The following DNAH9 variants were observed in gnomAD, a reference collection of about 807,000 sequenced individuals.
DNAH9 encodes the protein DNAH9 variant protein.
DNAH9 carries 345 observed loss-of-function variants against 471.6 expected under a neutral mutation model. The observed-to-expected ratio is 0.73, with a 90% CI of 0.67 to 0.80. The LOEUF is 0.80. Among genes scored for constraint, DNAH9 ranks in the 30% least tolerant of loss-of-function variants. The probability of loss-of-function intolerance (pLI) is 0.00; values close to 1 mark genes in which losing one functional copy is unlikely to be tolerated. For synonymous variants in DNAH9, 2,093 were observed against 2,123.6 expected (o/e 0.99, Z 0.40); for missense variants, 5,407 against 5,609.2 (o/e 0.96, Z 1.15).
intron 7 of DNAH9, among the ~76,000 whole-genome samples, chr17:11,632,166 T>G (rs1202905077): frequency 6.6e-6 from 1 of 152,216 alleles, no homozygotes; most frequent in Non-Finnish European, 1.5e-5. Flanking sequence ...ATTAGTTTGC[T>G]GACAATGGAA....
chr17:11,757,248 G>A (rs1233231704), intron 34 of DNAH9, among the ~76,000 whole-genome samples: 1 of 152,066 alleles, frequency 6.6e-6, no homozygotes, highest in African/African-American at 2.4e-5. Flanking sequence ...TTGTTGGGCC[G>A]GGCTCTGTGG....
At chr17:11,617,353 C>T in intron 4 of DNAH9, 58 bp from the exon 5 acceptor site, 6 of 1,261,200 alleles carry the variant, frequency 4.8e-6, no homozygotes, top group Non-Finnish European at 6.8e-6. Flanking sequence ...GACTAGGGCT[C>T]CACCAGGTGG....
intron 14 of DNAH9, among the ~76,000 whole-genome samples, chr17:11,661,348 A>G (rs552236426): frequency 1.9e-4 from 29 of 152,256 alleles, no homozygotes; most frequent in Admixed American, 5.9e-4. Flanking sequence ...TAGTCGGCAT[A>G]TAATACAAAT....
chr17:11,882,783 A>C lies in DNAH9; in HGVS notation c.10807-803A>C, dbSNP rs1972770559. 5 of 270,240 alleles carry C rather than the reference A, an allele frequency of 1.9e-5. No homozygotes were observed. In the Admixed American group the frequency reaches 3.2e-4, roughly 18 times the overall value. The allele number at this position is 270,240 out of a possible 1,614,324, so 16.7% of individuals were successfully genotyped here. On this transcript the variant is annotated intron_variant, in intron 55 of 68. Coordinates refer to ENST00000262442, the MANE Select transcript of DNAH9 (RefSeq NM_001372.4). ...AATTTAAACAGTGGTGGTCAGAAAA[A>C]GATTCGGTGAGGAGTTGGCATCTGA...
Position 11,962,908 on chromosome 17 carries a change from C to T in DNAH9, c.13233+652C>T, listed in dbSNP as rs1189304548. On this transcript the variant is annotated intron_variant, in intron 68 of 68. Transcript: ENST00000262442. The surrounding 1 kb of genome is among the most constrained non-coding windows in gnomAD (Gnocchi z 4.1). ...TTAAAGTGGCATTTTGAAAGGATTC[C>T]TTATCAAAGGCTAATAAAAACGTGA... is the stretch of plus-strand genomic sequence containing the variant. Among the ~76,000 whole-genome samples, 1 of 152,106 alleles carries T rather than the reference C, an allele frequency of 6.6e-6. No homozygotes were observed. The highest frequency in any genetic ancestry group is 2.4e-5 in the African/African-American group (1 of 41,394).
chr17:11,747,553 C>T lies in DNAH9; in HGVS notation c.6400-3C>T. ...CCTCTGGCTGAATTTCCTGCCTCCT[C>T]AGGTGGTCCAGCTGGAGGAGCTCCT... On this transcript the variant is annotated splice_polypyrimidine_tract_variant and splice_region_variant and intron_variant, in intron 31 of 68. Transcript: ENST00000262442. 2 of 1,612,832 alleles carry T rather than the reference C, an allele frequency of 1.2e-6. No homozygotes were observed. The highest frequency in any genetic ancestry group is 1.7e-6 in the Non-Finnish European group (2 of 1,179,758).
Position 11,664,874 on chromosome 17 carries a change from C to G in DNAH9, c.2637C>G (p.Ile879Met). Residue 879 changes from isoleucine to methionine, a missense_variant, in exon 15 of 69, where the codon ATC (isoleucine) becomes ATG (methionine). By Grantham distance (10) the Ile-to-Met change is conservative. Transcript: ENST00000262442. The stretch of plus-strand genomic sequence containing the variant: ...TTTCAGCAGACCCAACCTCCAATAT[C>G]TGGAAGACTTATGTTAACTCTATTG... ...GLFSADPTSNIWKTYVNSIDN... is the reference protein window; with the variant it reads ...GLFSADPTSNMWKTYVNSIDN... 1 of 1,613,016 alleles carries G rather than the reference C, an allele frequency of 6.2e-7. No individual in the cohort carries two copies. Among genetic ancestry groups the G allele is most frequent in the Non-Finnish European group, 8.5e-7 (1 of 1,179,056 alleles).
intron 56 of DNAH9, among the ~76,000 whole-genome samples, chr17:11,886,045 G>A (rs144197410): frequency 6.6e-6 from 1 of 152,324 alleles, no homozygotes; most frequent in East Asian, 1.9e-4. Context: ...TTTTCTGGCT[G>A]GGCGCGGTGG....
chr17:11,693,066 C>T (rs1432747306), intron 20 of DNAH9, among the ~76,000 whole-genome samples: 3 of 77,986 alleles, frequency 3.8e-5, no homozygotes, highest in Non-Finnish European at 7.3e-5. Context: ...CCACCATGAC[C>T]GGCTTTTTTT....
At position 11,694,359 on chromosome 17, in the gene DNAH9, A is replaced by G. The variant is rs771314383; in HGVS notation, c.4784A>G (p.Asp1595Gly). Reference sequence around the variant, plus strand: ...GAGAAGGCCCTGGCAGAGTACCTCGACACCAAGAGGCTTGCCTTCCCGCGG... The same window carrying G: ...GAGAAGGCCCTGGCAGAGTACCTCGGCACCAAGAGGCTTGCCTTCCCGCGG... ...LCEKALAEYL[D>G]TKRLAFPRFY... The change falls in exon 22 of 69, where the codon GAC becomes GGC. Residue 1595 changes from aspartate to glycine, a missense_variant. Asp to Gly is a moderately conservative substitution (Grantham distance 94). Transcript: ENST00000262442. The G allele has an allele frequency of 6.2e-7, 1 of 1,613,760 alleles. No homozygotes were observed. The highest frequency in any genetic ancestry group is 1.1e-5 in the South Asian group (1 of 91,030).
intron 50 of DNAH9, among the ~76,000 whole-genome samples, chr17:11,868,202 G>A (rs140114457): frequency 6.6e-6 from 1 of 152,300 alleles, no homozygotes; most frequent in African/African-American, 2.4e-5. Context: ...GGAAGTGTAG[G>A]AGGTAAATGA....
intron 28 of DNAH9, among the ~76,000 whole-genome samples, chr17:11,730,036 T>C (rs2075232009): frequency 6.6e-6 from 1 of 152,234 alleles, no homozygotes. Context: ...CCACTGACTC[T>C]TGTCCAAACT....
chr17:11,952,340 T>C, intron 67 of DNAH9, among the ~76,000 whole-genome samples: 1 of 130,594 alleles, frequency 7.7e-6, no homozygotes, highest in African/African-American at 2.9e-5. Flanking sequence ...TTTTTTTTGG[T>C]AGATACCAGG....
chr17:11,652,999 TCAGGTAATAACC>T lies in DNAH9; in HGVS notation c.2595+1_2595+12del. On this transcript the variant is annotated splice_donor_variant and splice_donor_5th_base_variant and coding_sequence_variant and intron_variant, in exon 14 of 69. Coordinates refer to ENST00000262442, the MANE Select transcript of DNAH9 (RefSeq NM_001372.4). LOFTEE classifies it high-confidence loss of function. ...CTGGCCTTAAGATCCACGCCCTTGT[TCAGGTAATAACC>T]CAGCCACTCAGGCGCACATACTACG... The T allele has an allele frequency of 6.2e-7, 1 of 1,613,696 alleles. No homozygotes were observed. The highest frequency in any genetic ancestry group is 1.6e-4 in the Middle Eastern group (1 of 6,062).
chr17:11,846,463 TTAG>T (rs1321796486), intron 49 of DNAH9, among the ~76,000 whole-genome samples: 9 of 151,460 alleles, frequency 5.9e-5, no homozygotes, highest in Non-Finnish European at 1.3e-4. Context: ...TTCTTTTGGC[TTAG>T]GATTGACTTG....
intron 41 of DNAH9, among the ~76,000 whole-genome samples, chr17:11,788,084 A>G (rs770530177): frequency 5.3e-5 from 8 of 152,198 alleles, no homozygotes; most frequent in Non-Finnish European, 1.0e-4. Context: ...GGCATATGAC[A>G]TGCTCACATT....
At chr17:11,781,256 A>G (rs1968656017) in intron 39 of DNAH9, 82 bp downstream of exon 39, 1 of 1,438,158 alleles carries the variant, frequency 7.0e-7, no homozygotes, top group Non-Finnish European at 9.3e-7. Context: ...TTCTGCCTGA[A>G]CGGCAAACCT....
chr17:11,889,352 A>G (rs77943555), intron 57 of DNAH9, among the ~76,000 whole-genome samples: 1 of 152,222 alleles, frequency 6.6e-6, no homozygotes, highest in African/African-American at 2.4e-5. Context: ...CAAGTACTTT[A>G]ATTGGTTGCC....
chr17:11,897,827 G>A, intron 59 of DNAH9, among the ~76,000 whole-genome samples: 1 of 152,218 alleles, frequency 6.6e-6, no homozygotes, highest in East Asian at 1.9e-4. Flanking sequence ...TGCTGTATTT[G>A]TTTCCTAGAG....
Sources: gnomAD v4.1 joint callset for allele counts (sites outside exome capture counted in the v4.1 genomes callset) on GRCh38, gnomAD v4.1.1 for gene constraint, Gnocchi (gnomAD v3.1) non-coding constraint, MANE v1.5 for transcripts, NCBI Gene and HGNC (gene_info 2026-07-23, HGNC 2026-07-21) for gene names.